The following LUC7L2 variants were observed in gnomAD, a reference collection of about 807,000 sequenced individuals.
LUC7L2 encodes the protein LUC7 like 2, pre-mRNA splicing factor, also known as putative RNA-binding protein Luc7-like 2.
LUC7L2 carries 25 observed loss-of-function variants against 52.8 expected under a neutral mutation model. The ratio of observed to expected loss-of-function variants is 0.47; its 90% CI spans 0.34 to 0.66. The LOEUF is 0.66. LUC7L2 is among the 30% of genes least tolerant of loss of function. The probability of loss-of-function intolerance (pLI) is 0.01; values close to 1 mark genes in which losing one functional copy is unlikely to be tolerated. For synonymous variants in LUC7L2, 144 were observed against 160.9 expected (o/e 0.89, Z 0.80); for missense variants, 328 against 497.8 (o/e 0.66, Z 3.25).
At chr7:139,348,962 A>T (rs1294687729) in intron 1 of LUC7L2, among the ~76,000 whole-genome samples, 2 of 152,140 alleles carry the variant, frequency 1.3e-5, no homozygotes, top group Non-Finnish European at 2.9e-5. Context: ...GGAGATTGAG[A>T]CCATCCTGGC....
rs1585145655 is a variant in LUC7L2, at chr7:139,422,764, T to C, written c.*424T>C. On this transcript the variant is annotated 3_prime_UTR_variant, in exon 10 of 10. Transcript: ENST00000354926. ...CCTTAATACCTACACTCTCCAATTG[T>C]AAGAGAAAGGGGGCAGGGAAGCAAT... The C allele has an allele frequency of 1.2e-4, 48 of 400,016 alleles. No homozygotes were observed. The East Asian group carries it at 1.7e-3, about 14-fold the overall frequency. 24.8% of individuals were successfully genotyped at this position (400,016 alleles called of 1,614,324 possible). A position where few individuals can be genotyped will look rare whatever the true frequency, so the allele number is the denominator to read the frequency against.
chr7:139,408,710 C>T (rs929830878), intron 6 of LUC7L2, among the ~76,000 whole-genome samples: 1 of 151,474 alleles, frequency 6.6e-6, no homozygotes, highest in Non-Finnish European at 1.5e-5. Flanking sequence ...GGTGTGGTGG[C>T]ATGTGCCTGT....
At chr7:139,421,755 A>G (rs1319717552) in intron 9 of LUC7L2, among the ~76,000 whole-genome samples, 2 of 152,230 alleles carry the variant, frequency 1.3e-5, no homozygotes, top group Admixed American at 1.3e-4. Flanking sequence ...GATTGCATGG[A>G]CCTGCAGTAC....
intron 8 of LUC7L2, chr7:139,412,875 T>C (rs1375994616): frequency 5.4e-6 from 1 of 184,766 alleles, no homozygotes; most frequent in Admixed American, 6.2e-5. Flanking sequence ...ATCATTTAGA[T>C]GCTCAGAGTA....
intron 2 of LUC7L2, among the ~76,000 whole-genome samples, chr7:139,384,526 T>G (rs2131239771): frequency 6.6e-6 from 1 of 152,312 alleles, no homozygotes; most frequent in East Asian, 1.9e-4. Flanking sequence ...TATTCTCAAC[T>G]ATTTCTAGAG....
chr7:139,377,427 C>T (rs1473786824), intron 2 of LUC7L2, among the ~76,000 whole-genome samples: 1 of 151,786 alleles, frequency 6.6e-6, no homozygotes, highest in Non-Finnish European at 1.5e-5. Flanking sequence ...TCTTGCTCTT[C>T]TTGTCACCCA....
intron 1 of LUC7L2, among the ~76,000 whole-genome samples, chr7:139,362,437 G>A (rs749439955): frequency 1.3e-5 from 2 of 152,028 alleles, no homozygotes; most frequent in African/African-American, 4.8e-5. Flanking sequence ...AGGGGAACAT[G>A]GAAACGTCCC....
intron 9 of LUC7L2, among the ~76,000 whole-genome samples, chr7:139,419,155 A>G (rs926343221): frequency 4.0e-5 from 6 of 151,658 alleles, no homozygotes; most frequent in Non-Finnish European, 7.4e-5. Context: ...AAAGTCTCCT[A>G]TGTGAGTTAG....
chr7:139,366,949 G>A (rs949072852), intron 1 of LUC7L2, among the ~76,000 whole-genome samples: 1 of 152,076 alleles, frequency 6.6e-6, no homozygotes, highest in Admixed American at 6.6e-5. Flanking sequence ...CCAAATGTTT[G>A]TCACACTTAT....
chr7:139,345,807 G>C, intron 1 of LUC7L2: 1 of 1,294,054 alleles, frequency 7.7e-7, no homozygotes. Flanking sequence ...GTTTTTCTCT[G>C]TAATTTTGTT....
intron 3 of LUC7L2, among the ~76,000 whole-genome samples, chr7:139,400,678 T>C (rs1005550653): frequency 1.6e-4 from 25 of 152,224 alleles, no homozygotes; most frequent in Non-Finnish European, 1.9e-4. Context: ...AACTGAGATA[T>C]GGATCTAGTC....
At chr7:139,354,360 T>A (rs1438739494) in intron 1 of LUC7L2, among the ~76,000 whole-genome samples, 1 of 152,012 alleles carries the variant, frequency 6.6e-6, no homozygotes, top group Non-Finnish European at 1.5e-5. Flanking sequence ...ATGATGGCAT[T>A]TGTCAATTTA....
At chr7:139,356,507 C>T (rs1045284108), upstream of LUC7L2, among the ~76,000 whole-genome samples, 1 of 151,572 alleles carries the variant, frequency 6.6e-6, no homozygotes, top group Non-Finnish European at 1.5e-5. Flanking sequence ...TCAGGCTGGG[C>T]ACAGTGGCTC....
intron 9 of LUC7L2, among the ~76,000 whole-genome samples, chr7:139,420,805 TTTG>T (rs986150851): frequency 5.3e-5 from 8 of 152,098 alleles, no homozygotes; most frequent in South Asian, 4.1e-4. Context: ...ACTGTGATTT[TTTG>T]TTGTTGTTGA....
chr7:139,357,736 G>A (rs1482483035), upstream of LUC7L2, among the ~76,000 whole-genome samples: 1 of 151,274 alleles, frequency 6.6e-6, no homozygotes, highest in Non-Finnish European at 1.5e-5. Flanking sequence ...CACTCACCAG[G>A]GCTGGAGTGC....
chr7:139,366,011 T>C (rs1015688002), intron 1 of LUC7L2, among the ~76,000 whole-genome samples: 7 of 152,212 alleles, frequency 4.6e-5, no homozygotes, highest in African/African-American at 1.7e-4. Context: ...ATAGAGAAAT[T>C]AATTTGTGAA....
intron 1 of LUC7L2, among the ~76,000 whole-genome samples, chr7:139,350,045 T>A (rs1799400649): frequency 1.3e-5 from 2 of 152,220 alleles, no homozygotes; most frequent in South Asian, 4.1e-4. Context: ...TTCCAGTATT[T>A]TATCTAAATG....
chr7:139,388,381 A>G (rs1422247371), intron 2 of LUC7L2, among the ~76,000 whole-genome samples: 1 of 152,094 alleles, frequency 6.6e-6, no homozygotes, highest in Non-Finnish European at 1.5e-5. Flanking sequence ...TGGAACATAT[A>G]CAAGTGGGAA....
intron 1 of LUC7L2, among the ~76,000 whole-genome samples, chr7:139,346,720 A>G (rs931906208): frequency 6.6e-6 from 1 of 152,214 alleles, no homozygotes; most frequent in Admixed American, 6.5e-5. Context: ...ACATGGCCAC[A>G]GCTCAGCTAT....
Sources: gnomAD v4.1 joint callset for allele counts (sites outside exome capture counted in the v4.1 genomes callset) on GRCh38, gnomAD v4.1.1 for gene constraint, MANE v1.5 for transcripts, NCBI Gene and HGNC (gene_info 2026-07-23, HGNC 2026-07-21) for gene names.